Variants in NBPF11 observed in about 807,000 individuals in gnomAD.
NBPF11 encodes the protein NBPF member 11, also known as NBPF family member NBPF11.
NBPF11 carries 72 observed loss-of-function variants against 93.9 expected under a neutral mutation model. That is an observed-to-expected ratio of 0.77 (90% CI 0.63 to 0.93). The LOEUF (loss-of-function observed/expected upper bound fraction) is 0.93, where lower values mean the gene tolerates loss of function less well. Among genes scored for constraint, NBPF11 ranks in the 40% least tolerant of loss-of-function variants. NBPF11 has a pLI of 0.00. For missense variants in NBPF11, 705 were observed against 802.2 expected (o/e 0.88, Z 1.46); for synonymous variants, 224 against 304.9 (o/e 0.73, Z 2.76).
Position 148,131,118 on chromosome 1 carries a change from CTG to C in NBPF11, c.-35-4082_-35-4081del, listed in dbSNP as rs1320213885. On this transcript the variant is annotated intron_variant, in intron 4 of 23. Transcript: ENST00000682118. Reference sequence around the variant, plus strand: ...TCACTAACACAGGCCTCCCTAAAAACTGTTTCAGTAGCGACTGAGTGGTTCAA... The same window carrying C: ...TCACTAACACAGGCCTCCCTAAAAACTTTCAGTAGCGACTGAGTGGTTCAA... Among the ~76,000 whole-genome samples, 13 of 149,022 alleles carry C rather than the reference CTG, an allele frequency of 8.7e-5. No homozygotes were observed. In the East Asian group the frequency reaches 2.5e-3, roughly 29 times the overall value.
At chr1:148,125,586 C>T (rs1476179801) in intron 5 of NBPF11, among the ~76,000 whole-genome samples, 6 of 151,942 alleles carry the variant, frequency 3.9e-5, no homozygotes, top group Non-Finnish European at 8.8e-5. Flanking sequence ...TGAGAGGCAG[C>T]ATTAAGATTT....
At chr1:148,146,419 C>A in intron 1 of NBPF11, 1 of 1,603,100 alleles carries the variant, frequency 6.2e-7, no homozygotes, top group South Asian at 1.1e-5. Flanking sequence ...GCTGAGTGAG[C>A]TCTGCTGCCT....
At chr1:148,118,022 C>T (rs1463713486) in intron 11 of NBPF11, among the ~76,000 whole-genome samples, 5 of 151,994 alleles carry the variant, frequency 3.3e-5, no homozygotes, top group African/African-American at 1.2e-4. Flanking sequence ...ATCTTTCCTT[C>T]TGTAAACAAA....
chr1:148,122,649 A>G (rs1260990307), intron 8 of NBPF11, 80 bp downstream of exon 8: 86 of 1,583,782 alleles, frequency 5.4e-5, no homozygotes, highest in Admixed American at 1.0e-4. Flanking sequence ...TTGGCCCATC[A>G]TAGATGCCAG....
At chr1:148,147,908 C>A (rs1673453203) in intron 1 of NBPF11, among the ~76,000 whole-genome samples, 1 of 152,072 alleles carries the variant, frequency 6.6e-6, no homozygotes, top group South Asian at 2.1e-4. Flanking sequence ...GTCTGCTCGG[C>A]CATCTGTCCT....
At chr1:148,146,076 G>A (rs1205066612) in intron 1 of NBPF11, among the ~76,000 whole-genome samples, 1 of 152,006 alleles carries the variant, frequency 6.6e-6, no homozygotes, top group Non-Finnish European at 1.5e-5. Context: ...GGGCAGGGGT[G>A]CGGAGGGACC....
In NBPF11 at chr1:148,112,238, GGT is replaced by G. The variant is rs1280075456; in HGVS notation, c.1638-1699_1638-1698del. On this transcript the variant is annotated intron_variant, in intron 15 of 23. Coordinates refer to ENST00000682118, the MANE Select transcript of NBPF11 (RefSeq NM_001385469.3). The stretch of plus-strand genomic sequence containing the variant: ...TTACATATGTATACATGTCCACATT[GGT>G]GTGCTTCACCCATTAACTCATCATT... 1.8e-4 allele frequency among the ~76,000 whole-genome samples: 26 copies of G among 146,302 alleles called. No individual in the cohort carries two copies. The South Asian group carries it at 4.1e-3, about 23-fold the overall frequency.
chr1:148,145,919 AC>A (rs1672927836), intron 1 of NBPF11, among the ~76,000 whole-genome samples: 1 of 151,964 alleles, frequency 6.6e-6, no homozygotes, highest in Non-Finnish European at 1.5e-5. Flanking sequence ...TCATGAAAAA[AC>A]GTCATTAAAA....
intron 12 of NBPF11, among the ~76,000 whole-genome samples, 181 bp from the exon 13 acceptor site, chr1:148,116,716 T>C (rs1666645738): frequency 6.6e-6 from 1 of 151,660 alleles, no homozygotes. Flanking sequence ...GGCAATGCAT[T>C]TCTGATCTGG....
At chr1:148,132,150 A>G (rs1303072683) in intron 4 of NBPF11, among the ~76,000 whole-genome samples, 4 of 148,768 alleles carry the variant, frequency 2.7e-5, no homozygotes, top group African/African-American at 5.1e-5. Flanking sequence ...GTGTGTATAT[A>G]TATATATATA....
chr1:148,141,187 GC>G (rs1220052250), intron 2 of NBPF11, among the ~76,000 whole-genome samples: 2 of 151,976 alleles, frequency 1.3e-5, no homozygotes, highest in African/African-American at 4.8e-5. Flanking sequence ...GGAATTTTCA[GC>G]AGTGAAACTA....
In NBPF11 at chr1:148,104,517, C is replaced by A; in HGVS notation, c.2581+20G>T. 1 of 589,950 alleles carries A rather than the reference C, an allele frequency of 1.7e-6. No individual in the cohort carries two copies. Among genetic ancestry groups the A allele is most frequent in the Non-Finnish European group, 3.0e-6 (1 of 336,546 alleles). The allele number at this position is 589,950 out of a possible 1,614,324, so 36.5% of individuals were successfully genotyped here. On this transcript the variant is annotated intron_variant, in intron 23 of 23. Transcript: ENST00000682118. ...CAGGTGTTAACACAGAATTAAGCAT[C>A]CACAATTGCTGAAAGTTACCTGGGG... is the stretch of plus-strand genomic sequence containing the variant.
At chr1:148,117,935 G>C in intron 11 of NBPF11, 149 bp from the exon 12 acceptor site, 2 of 603,164 alleles carry the variant, frequency 3.3e-6, no homozygotes, top group Non-Finnish European at 6.0e-6. Context: ...GTGGCCAAGA[G>C]AAAGAATAGA....
At chr1:148,122,999 C>A (rs1166305805) in intron 7 of NBPF11, among the ~76,000 whole-genome samples, 198 bp from the exon 8 acceptor site, 4 of 137,102 alleles carry the variant, frequency 2.9e-5, no homozygotes, top group African/African-American at 9.9e-5. Context: ...GGAGGGCCAC[C>A]ATCAAGATGT....
Position 148,122,734 on chromosome 1 carries a change from G to A in NBPF11, c.561C>T (p.Ala187=), listed in dbSNP as rs1357891323. The change falls in exon 8 of 24, where the codon GCC becomes GCT. Residue 187 remains alanine (A), a synonymous_variant. Coordinates refer to ENST00000682118, the MANE Select transcript of NBPF11 (RefSeq NM_001385469.3). ...TCCTGAGTATTCAATGTTACCTGGG[G>A]GCAGATGATTCCAGTACTTTCTCAT... The part of the protein sequence containing the change: ...EEDEKVLESS[A]PREVQKAEES... 22 of 1,609,468 alleles carry A rather than the reference G, an allele frequency of 1.4e-5. No individual in the cohort carries two copies. The highest frequency in any genetic ancestry group is 1.8e-5 in the Non-Finnish European group (21 of 1,177,136).
intron 10 of NBPF11, among the ~76,000 whole-genome samples, chr1:148,119,261 G>A (rs1406984754): frequency 5.3e-5 from 8 of 150,586 alleles, no homozygotes; most frequent in Admixed American, 4.7e-4. Context: ...AACACCATAA[G>A]GCCATGAAGG....
intron 4 of NBPF11, among the ~76,000 whole-genome samples, chr1:148,130,768 C>G (rs1357213202): frequency 2.0e-5 from 3 of 151,850 alleles, no homozygotes; most frequent in African/African-American, 7.3e-5. Context: ...TTCCCTATGC[C>G]CAAAAGTTTC....
chr1:148,121,634 T>C (rs1667886237), intron 9 of NBPF11, among the ~76,000 whole-genome samples: 1 of 151,618 alleles, frequency 6.6e-6, no homozygotes. Flanking sequence ...GGATTACAGG[T>C]GTGACCCACT....
chr1:148,145,621 C>T (rs1206422326), intron 1 of NBPF11, among the ~76,000 whole-genome samples: 1 of 151,398 alleles, frequency 6.6e-6, no homozygotes, highest in Non-Finnish European at 1.5e-5. Context: ...TAGCTCATGC[C>T]TATAATCCCA....
Sources: gnomAD v4.1 joint callset for allele counts (sites outside exome capture counted in the v4.1 genomes callset) on GRCh38, gnomAD v4.1.1 for gene constraint, MANE v1.5 for transcripts, NCBI Gene and HGNC (gene_info 2026-07-23, HGNC 2026-07-21) for gene names.